CHD9: variants seen among roughly 807,000 people sequenced by gnomAD.
CHD9 encodes the protein ATP-dependent chromatin remodeler CHD9.
In CHD9, 77 loss-of-function variants were observed where a neutral mutation model predicts 316.1. That is an observed-to-expected ratio of 0.24 (90% CI 0.20 to 0.29). CHD9 has a LOEUF of 0.29. Ranked by LOEUF, CHD9 falls within the 10% of genes least tolerant of loss-of-function variation. The pLI, the probability that CHD9 is intolerant of heterozygous loss-of-function variation, is 1.00. For synonymous variants in CHD9, 1,129 were observed against 1,158.3 expected (o/e 0.97, Z 0.51); for missense variants, 2,763 against 3,438.1 (o/e 0.80, Z 4.91).
intron 1 of CHD9, among the ~76,000 whole-genome samples, chr16:53,145,155 A>C (rs2040466880): frequency 1.3e-5 from 2 of 150,496 alleles, no homozygotes; most frequent in South Asian, 4.2e-4. Context: ...TAATCCCAGC[A>C]CTTTTTTTTT....
intron 2 of CHD9, among the ~76,000 whole-genome samples, chr16:53,158,625 T>A (rs975041782): frequency 6.6e-6 from 1 of 151,416 alleles, no homozygotes; most frequent in Non-Finnish European, 1.5e-5. Context: ...AAATTAATAC[T>A]TTTTTTTGTT....
chr16:53,303,721 A>T lies in CHD9; in HGVS notation c.5715A>T (p.Glu1905Asp). ...TTTTGTCCTTGTTTCAATATGTAGA[A>T]TTGGTGGATCCAAATATTTTTATCC... The part of the protein sequence containing the change: ...RRVCRLPSKE[E>D]LVDPNIFIQP... Residue 1905 changes from glutamate to aspartate, a missense_variant and splice_region_variant, in exon 31 of 39, where the codon GAA (glutamate) becomes GAT (aspartate). By Grantham distance (45) the Glu-to-Asp change is conservative. Coordinates refer to ENST00000447540, the MANE Select transcript of CHD9 (RefSeq NM_001308319.2). 6.3e-7 allele frequency: 1 copy of T among 1,589,546 alleles called. No individual in the cohort carries two copies. The highest frequency in any genetic ancestry group is 1.2e-5 in the South Asian group (1 of 86,338).
chr16:53,180,388 A>C (rs957304679), intron 2 of CHD9, among the ~76,000 whole-genome samples: 1 of 152,178 alleles, frequency 6.6e-6, no homozygotes, highest in African/African-American at 2.4e-5. Context: ...AATGGAAAGG[A>C]TTTGCATAAT....
rs113504218 is a variant in CHD9 at position 53,075,433 on chromosome 16, G to A, written c.-165+20356G>A. Among the ~76,000 whole-genome samples, 512 of 152,200 alleles carry A rather than the reference G, an allele frequency of 3.4e-3. 5 individuals are homozygous for A. Among genetic ancestry groups the A allele is most frequent in the African/African-American group, 0.011 (455 of 41,516 alleles). On this transcript the variant is annotated intron_variant, in intron 1 of 38. Coordinates refer to ENST00000447540, the MANE Select transcript of CHD9 (RefSeq NM_001308319.2). Reference sequence around the variant, plus strand: ...CATGAGATTTGGAGGGGCCAGGGGCGGAATGATATGGTTTGGCTCTGTACC... The same window carrying A: ...CATGAGATTTGGAGGGGCCAGGGGCAGAATGATATGGTTTGGCTCTGTACC...
At chr16:53,085,810 T>C (rs1011498784) in intron 1 of CHD9, among the ~76,000 whole-genome samples, 2 of 152,154 alleles carry the variant, frequency 1.3e-5, no homozygotes, top group Non-Finnish European at 2.9e-5. Flanking sequence ...TTTCTGTGAG[T>C]TGCTCCTCTT....
At chr16:53,064,310 C>G (rs1471372052) in intron 1 of CHD9, among the ~76,000 whole-genome samples, 1 of 152,224 alleles carries the variant, frequency 6.6e-6, no homozygotes, top group East Asian at 1.9e-4. Context: ...GGCCTCTTCC[C>G]CTCCAGCACA....
At chr16:53,296,863 A>C (rs1231595688) in intron 29 of CHD9, 93 bp from the exon 30 acceptor site, 1 of 811,678 alleles carries the variant, frequency 1.2e-6, no homozygotes, top group Non-Finnish European at 2.0e-6. Context: ...GGTACTTGAA[A>C]TGTTTTAAGT....
chr16:53,298,320 C>CAA (rs767208426), intron 30 of CHD9: 7 of 81,692 alleles, frequency 8.6e-5, no homozygotes, highest in East Asian at 3.1e-4. Flanking sequence ...GGCAGCACTA[C>CAA]AAAAAAAAAA....
rs190326514 is a variant in CHD9 at position 53,290,120 on chromosome 16, A to G, written c.5248-1605A>G. The stretch of plus-strand genomic sequence containing the variant: ...GAAACCCAATCTCTACTAAATATAC[A>G]AAAATTAGCCAGGCATGGTGGCATG... On this transcript the variant is annotated intron_variant, in intron 27 of 38. Coordinates refer to ENST00000447540, the MANE Select transcript of CHD9 (RefSeq NM_001308319.2). Among the ~76,000 whole-genome samples the G allele has an allele frequency of 1.6e-3, 237 of 152,256 alleles. 3 individuals carry two copies. Among genetic ancestry groups the G allele is most frequent in the African/African-American group, 5.4e-3 (225 of 41,544 alleles).
Position 53,131,967 on chromosome 16 carries a change from T to C in CHD9, c.-164-23959T>C, listed in dbSNP as rs1018074281. Among the ~76,000 whole-genome samples, 13 of 152,298 alleles carry C rather than the reference T, an allele frequency of 8.5e-5. No homozygotes were observed. In the East Asian group the frequency reaches 2.5e-3, roughly 29 times the overall value. On this transcript the variant is annotated intron_variant, in intron 1 of 38. Transcript: ENST00000447540. ...CTGGGTGTGGGACCTGCGGGATGGC[T>C]CCAGGGCTCTCTGCGTGGACATCCA...
chr16:53,167,036 AGATCAAACT>A (rs1314334552), intron 2 of CHD9, among the ~76,000 whole-genome samples: 2 of 152,200 alleles, frequency 1.3e-5, no homozygotes, highest in African/African-American at 4.8e-5. Context: ...TTCCTTTCAT[AGATCAAACT>A]GTGTAGTGTT....
chr16:53,183,569 T>G (rs899910603), intron 2 of CHD9, among the ~76,000 whole-genome samples: 1 of 152,186 alleles, frequency 6.6e-6, no homozygotes, highest in Non-Finnish European at 1.5e-5. Context: ...AATTAAACAT[T>G]AACAACAAAG....
At chr16:53,213,119 A>G (rs1039767576) in intron 3 of CHD9, among the ~76,000 whole-genome samples, 2 of 152,236 alleles carry the variant, frequency 1.3e-5, no homozygotes, top group African/African-American at 4.8e-5. Flanking sequence ...GCTACTTGTT[A>G]AGGGGAATAA....
intron 2 of CHD9, among the ~76,000 whole-genome samples, chr16:53,189,584 A>G (rs937386875): frequency 6.6e-6 from 1 of 151,428 alleles, no homozygotes; most frequent in Non-Finnish European, 1.5e-5. Context: ...TAGGTTTGCT[A>G]TTATTTTGTT....
intron 1 of CHD9, among the ~76,000 whole-genome samples, chr16:53,082,564 T>A (rs1355345691): frequency 6.6e-6 from 1 of 152,184 alleles, no homozygotes; most frequent in African/African-American, 2.4e-5. Flanking sequence ...TTTAACCGAT[T>A]GGTTTAAATT....
At position 53,229,050 on chromosome 16, in the gene CHD9, A is replaced by C. The variant is rs1245739382; in HGVS notation, c.2236A>C (p.Ile746Leu). ...GAAAGATAAAAGGATCCAGCAGAAA[A>C]TCAAACGATTCAAATTGAGACAAGC... ...LLKDKRIQQK[I>L]KRFKLRQAQR... The change falls in exon 8 of 39, where the codon ATC becomes CTC. Residue 746 changes from isoleucine to leucine, a missense_variant. Physicochemically the swap from Ile to Leu is conservative, Grantham distance 5. This residue lies in a region of CHD9 where 859 missense variants were observed against 890.4 expected (regional missense o/e 0.96). Transcript: ENST00000447540. 6.3e-7 allele frequency: 1 copy of C among 1,599,378 alleles called. No homozygotes were observed. The highest frequency in any genetic ancestry group is 1.3e-5 in the African/African-American group (1 of 74,844).
Position 53,291,724 on chromosome 16 carries a change from G to A in CHD9, c.5248-1G>A. ...GACAAGTTTCTATTTTCTTTTAAAA[G>A]GATGATGTTTCCTCACCAGGAGATC... On this transcript the variant is annotated splice_acceptor_variant, in intron 27 of 38. Transcript: ENST00000447540. LOFTEE classifies it high-confidence loss of function. 6.4e-7 allele frequency: 1 copy of A among 1,560,144 alleles called. No homozygotes were observed. Among genetic ancestry groups the A allele is most frequent in the Non-Finnish European group, 8.6e-7 (1 of 1,159,842 alleles).
In CHD9 at chr16:53,226,447, G is replaced by A. The variant is rs1296850828; in HGVS notation, c.1978G>A (p.Gly660Ser). The A allele has an allele frequency of 2.5e-6, 4 of 1,606,638 alleles. No individual in the cohort carries two copies. Among genetic ancestry groups the A allele is most frequent in the South Asian group, 2.2e-5 (2 of 88,976 alleles). The change falls in exon 5 of 39, where the codon GGT becomes AGT. Residue 660 changes from glycine to serine, a missense_variant. By Grantham distance (56) the Gly-to-Ser change is moderately conservative. Transcript: ENST00000447540. ...GAAGCAATCTGAAGAAGAGGTTAAAGGTTCTATGAAAATAAAAAAGAATTC... is the reference window on the plus strand; with the variant it reads ...GAAGCAATCTGAAGAAGAGGTTAAAAGTTCTATGAAAATAAAAAAGAATTC... ...EGKQSEEEVK[G>S]SMKIKKNSAP...
intron 12 of CHD9, among the ~76,000 whole-genome samples, chr16:53,240,492 C>G (rs2048999660): frequency 6.6e-6 from 1 of 151,396 alleles, no homozygotes; most frequent in Admixed American, 6.6e-5. Context: ...ATATATATTA[C>G]CTAAAGAGGT....
Sources: allele counts gnomAD v4.1 joint callset (sites outside exome capture counted in the v4.1 genomes callset), GRCh38; gene constraint gnomAD v4.1.1; regional missense constraint gnomAD v4.1.1; transcripts MANE v1.5; gene names NCBI Gene and HGNC (gene_info 2026-07-23, HGNC 2026-07-21).